The following PARP4 variants were observed in gnomAD, a reference collection of about 807,000 sequenced individuals.
The protein encoded by PARP4 is poly(ADP-ribose) polymerase family member 4.
PARP4 carries 120 observed loss-of-function variants against 187.7 expected under a neutral mutation model. The observed-to-expected ratio is 0.64, with a 90% CI of 0.55 to 0.74. The LOEUF (loss-of-function observed/expected upper bound fraction) is 0.74. Ranked by LOEUF, PARP4 falls within the 30% of genes least tolerant of loss-of-function variation. PARP4 has a pLI of 0.00. For missense variants in PARP4, 1,836 were observed against 2,070.5 expected (o/e 0.89, Z 2.20); for synonymous variants, 654 against 740.9 (o/e 0.88, Z 1.90).
intron 33 of PARP4, 73 bp downstream of exon 33, chr13:24,426,393 A>G: frequency 8.5e-7 from 1 of 1,178,970 alleles, no homozygotes; most frequent in Non-Finnish European, 1.2e-6. Context: ...AATTCCCTAT[A>G]GCTGTTTCTA....
chr13:24,458,546 T>C (rs1251976511), intron 20 of PARP4, among the ~76,000 whole-genome samples: 1 of 151,882 alleles, frequency 6.6e-6, no homozygotes, highest in Admixed American at 6.6e-5. Context: ...CACTGTACTC[T>C]AGTCTGGGTG....
chr13:24,494,057 T>C (rs1328624720), intron 7 of PARP4, among the ~76,000 whole-genome samples: 1 of 152,126 alleles, frequency 6.6e-6, no homozygotes, highest in Non-Finnish European at 1.5e-5. Context: ...TGTAAAGACA[T>C]CTCCCAAAAG....
rs1257785764 is a variant in PARP4, at chr13:24,473,527, AAGCAGTTCCAGCAATTCCCCTCTCCCAG to A, written c.1914+1917_1914+1944del. Among the ~76,000 whole-genome samples the A allele has an allele frequency of 1.9e-3, 285 of 152,278 alleles. 1 individual carries two copies. The highest frequency in any genetic ancestry group is 6.3e-3 in the African/African-American group (263 of 41,546). On this transcript the variant is annotated intron_variant, in intron 15 of 33. Coordinates refer to ENST00000381989, the MANE Select transcript of PARP4 (RefSeq NM_006437.4). ...AACATAGAGAAGGGTATAGAGAAGG[AAGCAGTTCCAGCAATTCCCCTCTCCCAG>A]GTCGCCAGGTTTCCCTCCTGCGCTG...
chr13:24,476,160 T>C (rs954099094), intron 14 of PARP4, among the ~76,000 whole-genome samples: 2 of 151,462 alleles, frequency 1.3e-5, no homozygotes, highest in African/African-American at 4.9e-5. Context: ...TTTTCTTTGG[T>C]AGAGATTGGA....
rs769548299 is a variant in PARP4 at position 24,435,444 on chromosome 13, A to G, written c.3697T>C (p.Leu1233=). 8 of 1,606,366 alleles carry G rather than the reference A, an allele frequency of 5.0e-6. No homozygotes were observed. The highest frequency in any genetic ancestry group is 4.2e-4 in the Middle Eastern group (2 of 4,776). Reference sequence around the variant, plus strand: ...CTATGTTTTCGTTTGGATAAACGTAATTCTGGCCACTCAGAGGATGCTAAA... The same window carrying G: ...CTATGTTTTCGTTTGGATAAACGTAGTTCTGGCCACTCAGAGGATGCTAAA... The part of the protein sequence containing the change: ...SLLASSEWPE[L]RLSKRKHRKI... Residue 1233 remains leucine (L), a synonymous_variant, in exon 31 of 34, where the codon TTA becomes CTA. Coordinates refer to ENST00000381989, the MANE Select transcript of PARP4 (RefSeq NM_006437.4).
intron 18 of PARP4, 39 bp downstream of exon 18, chr13:24,459,933 T>C (rs1248990154): frequency 6.3e-7 from 1 of 1,588,132 alleles, no homozygotes; most frequent in Non-Finnish European, 8.6e-7. Context: ...CCCCCTCCAC[T>C]GCTGCCAAAA....
intron 17 of PARP4, among the ~76,000 whole-genome samples, chr13:24,461,826 C>G (rs1872229662): frequency 6.6e-6 from 1 of 152,142 alleles, no homozygotes; most frequent in Non-Finnish European, 1.5e-5. Context: ...AGAAGTAAAC[C>G]AGGGATCAGA....
At chr13:24,495,568 C>T (rs983090474) in intron 6 of PARP4, among the ~76,000 whole-genome samples, 1 of 152,172 alleles carries the variant, frequency 6.6e-6, no homozygotes, top group Non-Finnish European at 1.5e-5. Context: ...CTCTTCTGGG[C>T]AACTCCTGCC....
chr13:24,506,283 T>C (rs1017121404), intron 1 of PARP4, among the ~76,000 whole-genome samples: 3 of 152,242 alleles, frequency 2.0e-5, no homozygotes, highest in Non-Finnish European at 2.9e-5. Flanking sequence ...TGTCGCTGGC[T>C]TCAGGAGTGA....
chr13:24,511,364 T>G (rs143801366), intron 1 of PARP4, among the ~76,000 whole-genome samples: 22 of 152,256 alleles, frequency 1.4e-4, no homozygotes, highest in Non-Finnish European at 2.6e-4. Flanking sequence ...TACGTACATA[T>G]GAGATGTGGC....
At chr13:24,494,452 C>T in intron 7 of PARP4, 121 bp downstream of exon 7, 1 of 864,738 alleles carries the variant, frequency 1.2e-6, no homozygotes, top group Non-Finnish European at 1.8e-6. Context: ...CCTTGGCCTC[C>T]CAAACTGCTG....
Position 24,478,269 on chromosome 13 carries a change from T to A in PARP4, c.1456A>T (p.Ile486Phe). The change falls in exon 13 of 34, where the codon ATC becomes TTC. Residue 486 changes from isoleucine (I) to phenylalanine (F), a missense_variant. Ile to Phe is a conservative substitution (Grantham distance 21). Transcript: ENST00000381989. ...GTCTCTCCCGGGTGTGAGTACTTGA[T>A]ACTTGTACTACATGCGAAAGGAAAT... ...IYFSDSLSTS[I>F]KYSHPGETDG... The A allele has an allele frequency of 1.2e-6, 2 of 1,601,286 alleles. No homozygotes were observed. Among genetic ancestry groups the A allele is most frequent in the Non-Finnish European group, 8.5e-7 (1 of 1,171,646 alleles).
At position 24,434,900 on chromosome 13, in the gene PARP4, A is replaced by G. The variant is rs2137442005; in HGVS notation, c.4241T>C (p.Leu1414Pro). ...SSLSSAQSAP[L>P]QHPGGFTTRP... ...GGTAGTAAAGCCTCCAGGATGTTGC[A>G]GTGGAGCAGACTGTGCAGAGCTTAA... The change falls in exon 31 of 34, where the codon CTG (leucine) becomes CCG (proline). Residue 1414 changes from leucine to proline, a missense_variant. This residue lies in a region of PARP4 where 450 missense variants were observed against 439.2 expected (regional missense o/e 1.02). Transcript: ENST00000381989. The G allele has an allele frequency of 6.2e-7, 1 of 1,614,176 alleles. No homozygotes were observed. The highest frequency in any genetic ancestry group is 8.5e-7 in the Non-Finnish European group (1 of 1,180,020).
At chr13:24,454,569 G>A (rs919076338) in intron 22 of PARP4, among the ~76,000 whole-genome samples, 4 of 152,144 alleles carry the variant, frequency 2.6e-5, no homozygotes, top group Admixed American at 2.0e-4. Context: ...CTATGACTGC[G>A]CTGAGGGCAA....
rs146243244 is a variant in PARP4, at chr13:24,486,918, C to T, written c.1215-613G>A. Among the ~76,000 whole-genome samples, 1,177 of 151,318 alleles carry T rather than the reference C, an allele frequency of 7.8e-3. 16 individuals are homozygous for T. Among genetic ancestry groups the T allele is most frequent in the African/African-American group, 0.027 (1,104 of 41,182 alleles). On this transcript the variant is annotated intron_variant, in intron 10 of 33. Coordinates refer to ENST00000381989, the MANE Select transcript of PARP4 (RefSeq NM_006437.4). ...TAGAGGTTGCAATGAGCCGAGATCG[C>T]GCCACTGCACTCCAGACTGGGCGAC...
intron 12 of PARP4, among the ~76,000 whole-genome samples, chr13:24,479,713 C>T (rs189394365): frequency 2.0e-5 from 3 of 152,320 alleles, no homozygotes; most frequent in Non-Finnish European, 4.4e-5. Flanking sequence ...TACCAATCAG[C>T]AGGATGTGGG....
chr13:24,471,574 T>G (rs747676506), intron 15 of PARP4, among the ~76,000 whole-genome samples: 2 of 152,180 alleles, frequency 1.3e-5, no homozygotes, highest in African/African-American at 2.4e-5. Context: ...AGGGTCAAAA[T>G]GTATGAGCCA....
chr13:24,441,379 G>T (rs1313186439), intron 30 of PARP4, among the ~76,000 whole-genome samples: 1 of 152,100 alleles, frequency 6.6e-6, no homozygotes, highest in Non-Finnish European at 1.5e-5. Flanking sequence ...GCACTGTGTT[G>T]TTCCTTTGTT....
intron 20 of PARP4, among the ~76,000 whole-genome samples, chr13:24,457,785 A>G (rs1237785611): frequency 2.5e-5 from 3 of 117,874 alleles, no homozygotes; most frequent in Admixed American, 7.9e-5. Context: ...AAAAAAAAAA[A>G]AAAAAAAAAA....
Sources: allele counts gnomAD v4.1 joint callset (sites outside exome capture counted in the v4.1 genomes callset), GRCh38; gene constraint gnomAD v4.1.1; regional missense constraint gnomAD v4.1.1; transcripts MANE v1.5; gene names NCBI Gene and HGNC (gene_info 2026-07-23, HGNC 2026-07-21).